Variants in NCKAP5 observed in about 807,000 individuals in gnomAD.
NCKAP5 encodes NCK associated protein 5.
Under a neutral mutation model 167.0 loss-of-function variants are expected in NCKAP5, and 92 were observed. That is an observed-to-expected ratio of 0.55 (90% CI 0.47 to 0.66). The LOEUF (loss-of-function observed/expected upper bound fraction) is 0.66, where lower values mean the gene tolerates loss of function less well. Ranked by LOEUF, NCKAP5 falls within the 30% of genes least tolerant of loss-of-function variation. NCKAP5 has a pLI of 0.00. For missense variants in NCKAP5, 2,378 were observed against 2,315.0 expected, an observed-to-expected ratio of 1.03 and a Z score of -0.56; for synonymous variants, 891 against 877.4, an observed-to-expected ratio of 1.02 and a Z score of -0.27.
intron 5 of NCKAP5, among the ~76,000 whole-genome samples, chr2:133,141,470 C>G (rs1327862323): frequency 1.3e-5 from 2 of 150,986 alleles, no homozygotes; most frequent in Admixed American, 1.3e-4. Context: ...TAGCTGGAAT[C>G]CTTATATTCC....
At chr2:133,655,164 G>T in the NCKAP5 span, among the ~76,000 whole-genome samples, 27 of 152,288 alleles carry the variant, frequency 1.8e-4, no homozygotes. Context: ...AATATTTTGA[G>T]TGATTGCACT....
chr2:132,786,669 AG>A, intron 13 of NCKAP5, among the ~76,000 whole-genome samples: 1 of 152,208 alleles, frequency 6.6e-6, no homozygotes, highest in African/African-American at 2.4e-5. Flanking sequence ...GAAAAAAAAA[AG>A]CTAACATTTA....
At chr2:133,137,452 T>TGTGTG in intron 5 of NCKAP5, among the ~76,000 whole-genome samples, 1 of 113,306 alleles carries the variant, frequency 8.8e-6, no homozygotes, top group Non-Finnish European at 1.8e-5. Context: ...GTGTGTGTGT[T>TGTGTG]TTGGAAAAGA....
chr2:133,377,937 G>A (rs1686264609), intron 3 of NCKAP5, among the ~76,000 whole-genome samples: 1 of 152,158 alleles, frequency 6.6e-6, no homozygotes, highest in Admixed American at 6.6e-5. Flanking sequence ...GGGCAGGGCT[G>A]CTCTCATAAC....
At chr2:133,486,341 G>A (rs1453783296) in intron 3 of NCKAP5, among the ~76,000 whole-genome samples, 1 of 152,124 alleles carries the variant, frequency 6.6e-6, no homozygotes, top group Non-Finnish European at 1.5e-5. Context: ...TTGTTCAATT[G>A]CATTTGAGAT....
At chr2:132,938,924 G>A (rs565819286) in intron 8 of NCKAP5, among the ~76,000 whole-genome samples, 1 of 152,172 alleles carries the variant, frequency 6.6e-6, no homozygotes, top group Admixed American at 6.5e-5. Context: ...TCCAAGTACA[G>A]CTGCAACATT....
chr2:132,834,713 T>C (rs1687766441), intron 11 of NCKAP5, among the ~76,000 whole-genome samples: 1 of 152,172 alleles, frequency 6.6e-6, no homozygotes, highest in Non-Finnish European at 1.5e-5. Context: ...AGTCTTGAAC[T>C]GCTGGCCTCA....
At chr2:133,437,646 C>T (rs747531150) in intron 3 of NCKAP5, among the ~76,000 whole-genome samples, 7 of 152,286 alleles carry the variant, frequency 4.6e-5, no homozygotes, top group Middle Eastern at 3.4e-3. Flanking sequence ...CCCCAGCCAG[C>T]GTCAGTTCTC....
At chr2:132,706,180 G>T (rs1371080792) in intron 19 of NCKAP5, among the ~76,000 whole-genome samples, 1 of 151,910 alleles carries the variant, frequency 6.6e-6, no homozygotes, top group Non-Finnish European at 1.5e-5. Flanking sequence ...CTCCCTCTCT[G>T]TCCTTTCCTC....
intron 3 of NCKAP5, among the ~76,000 whole-genome samples, chr2:133,441,880 C>T (rs1463860858): frequency 6.6e-6 from 1 of 152,162 alleles, no homozygotes. Context: ...AGACTCTTCT[C>T]TGTATCAGTT....
chr2:133,191,403 C>T (rs958672888), intron 5 of NCKAP5, among the ~76,000 whole-genome samples: 9 of 152,288 alleles, frequency 5.9e-5, no homozygotes, highest in African/African-American at 1.9e-4. Flanking sequence ...CACCATTTGA[C>T]CCAGCAATCC....
chr2:132,946,415 A>G (rs1697733423), intron 8 of NCKAP5, among the ~76,000 whole-genome samples: 1 of 152,134 alleles, frequency 6.6e-6, no homozygotes, highest in Admixed American at 6.5e-5. Flanking sequence ...TGGTCTTTGG[A>G]ATTTATAAAC....
At chr2:133,214,366 C>T (rs2086340605) in intron 4 of NCKAP5, among the ~76,000 whole-genome samples, 1 of 152,122 alleles carries the variant, frequency 6.6e-6, no homozygotes, top group South Asian at 2.1e-4. Flanking sequence ...ACACTGAGTC[C>T]TCAGCTGGTA....
intron 3 of NCKAP5, among the ~76,000 whole-genome samples, chr2:133,349,927 A>G (rs1031800922): frequency 6.6e-6 from 1 of 152,170 alleles, no homozygotes; most frequent in Non-Finnish European, 1.5e-5. Context: ...TTAAATTTTA[A>G]AATAATTTTA....
chr2:133,166,147 C>G (rs949680430), intron 5 of NCKAP5, among the ~76,000 whole-genome samples: 18 of 152,040 alleles, frequency 1.2e-4, no homozygotes, highest in Non-Finnish European at 2.9e-5. Flanking sequence ...CTATAGAGAA[C>G]AGAAGGATGA....
At chr2:132,785,926 C>A (rs1683528939) in intron 13 of NCKAP5, among the ~76,000 whole-genome samples, 1 of 152,198 alleles carries the variant, frequency 6.6e-6, no homozygotes. Flanking sequence ...GCACAGCGAT[C>A]TAAAGAAACA....
chr2:133,531,164 G>C (rs1006823030), intron 2 of NCKAP5, among the ~76,000 whole-genome samples: 1 of 151,792 alleles, frequency 6.6e-6, no homozygotes, highest in Non-Finnish European at 1.5e-5. Context: ...AATGGTGAAA[G>C]GGAATGAGGA....
chr2:133,381,823 A>T (rs1302970679), intron 3 of NCKAP5, among the ~76,000 whole-genome samples: 15 of 152,206 alleles, frequency 9.9e-5, no homozygotes, highest in Non-Finnish European at 2.2e-4. Flanking sequence ...CATCACCCCT[A>T]GCTCTGGGGA....
chr2:133,364,047 A>G (rs1263069017), intron 3 of NCKAP5, among the ~76,000 whole-genome samples: 2 of 152,182 alleles, frequency 1.3e-5, no homozygotes, highest in African/African-American at 4.8e-5. Context: ...TACCTCATGA[A>G]GTAGGTGTTG....
Sources: allele counts gnomAD v4.1 joint callset (sites outside exome capture counted in the v4.1 genomes callset), GRCh38; gene constraint gnomAD v4.1.1; transcripts MANE v1.5; gene names NCBI Gene and HGNC (gene_info 2026-07-23, HGNC 2026-07-21).